Variants in PIRT observed in about 807,000 individuals in gnomAD.
The protein encoded by PIRT is phosphoinositide interacting regulator of transient receptor potential channels.
Under a neutral mutation model 7.9 loss-of-function variants are expected in PIRT, and 6 were observed. The observed-to-expected ratio is 0.76, with a 90% CI of 0.42 to 1.51. The LOEUF (loss-of-function observed/expected upper bound fraction) is 1.51, where lower values mean the gene tolerates loss of function less well. Ranked by LOEUF, PIRT falls within the 40% of genes most tolerant of loss-of-function variation. The pLI, the probability that PIRT is intolerant of heterozygous loss-of-function variation, is 0.01. For synonymous variants in PIRT, 78 were observed against 71.8 expected (o/e 1.09, Z -0.44); for missense variants, 170 against 172.9 (o/e 0.98, Z 0.09).
chr17:10,825,477 C>G lies in PIRT; in HGVS notation c.169G>C (p.Val57Leu). 1 of 1,613,916 alleles carries G rather than the reference C, an allele frequency of 6.2e-7. No homozygotes were observed. Among genetic ancestry groups the G allele is most frequent in the Non-Finnish European group, 8.5e-7 (1 of 1,179,860 alleles). Reference protein sequence around the residue: ...SNWEIYRKPIVIMSVGGAILL... With the variant: ...SNWEIYRKPILIMSVGGAILL... ...ATGGCACCGCCCACTGACATGATAA[C>G]GATGGGCTTGCGGTAGATTTCCCAG... Residue 57 changes from valine to leucine, a missense_variant, in exon 2 of 2, where the codon GTT becomes CTT. Coordinates refer to ENST00000580256, the MANE Select transcript of PIRT (RefSeq NM_001101387.2).
chr17:10,834,456 G>A (rs1905535748), intron 1 of PIRT, among the ~76,000 whole-genome samples: 2 of 152,174 alleles, frequency 1.3e-5, no homozygotes, highest in Non-Finnish European at 2.9e-5. Context: ...TTGTTGTGGG[G>A]CTTGAGGAGG....
intron 1 of PIRT, among the ~76,000 whole-genome samples, chr17:10,826,091 G>T (rs1905307990): frequency 6.6e-6 from 1 of 152,024 alleles, no homozygotes; most frequent in Non-Finnish European, 1.5e-5. Flanking sequence ...AGCCTCCTGA[G>T]TAGCTGTGAT....
intron 1 of PIRT, among the ~76,000 whole-genome samples, chr17:10,829,391 G>A (rs749064264): frequency 3.9e-5 from 6 of 152,156 alleles, no homozygotes; most frequent in Non-Finnish European, 8.8e-5. Context: ...GCCACTGCAG[G>A]GACATTGGAC....
chr17:10,827,099 A>G (rs2088382683), intron 1 of PIRT, among the ~76,000 whole-genome samples: 2 of 152,026 alleles, frequency 1.3e-5, no homozygotes, highest in Admixed American at 1.3e-4. Flanking sequence ...AGCATGAGCC[A>G]CTGTGCCTGG....
At chr17:10,833,385 G>T (rs891388964) in intron 1 of PIRT, among the ~76,000 whole-genome samples, 1 of 152,104 alleles carries the variant, frequency 6.6e-6, no homozygotes, top group Non-Finnish European at 1.5e-5. Context: ...AATTTAAAAT[G>T]CCTGCTCATT....
intron 1 of PIRT, among the ~76,000 whole-genome samples, chr17:10,827,465 C>CT (rs546105685): frequency 0.081 from 4,583 of 56,246 alleles, 636 homozygotes; most frequent in Non-Finnish European, 0.092. Context: ...TTTTTCTTTT[C>CT]TTTTTTTTTT....
At position 10,825,590 on chromosome 17, in the gene PIRT, G is replaced by C. The variant is rs771042762; in HGVS notation, c.56C>G (p.Ala19Gly). The C allele has an allele frequency of 2.6e-6, 4 of 1,563,018 alleles. No individual in the cohort carries two copies. The African/African-American group carries it at 5.4e-5, about 21-fold the overall frequency. Residue 19 changes from alanine to glycine, a missense_variant, in exon 2 of 2, where the codon GCC (alanine) becomes GGC (glycine). By Grantham distance (60) the Ala-to-Gly change is moderately conservative. Coordinates refer to ENST00000580256, the MANE Select transcript of PIRT (RefSeq NM_001101387.2). ...VLEVDEKSPE[A>G]KDLLPSQTAS... ...GGTCTGGCTGGGCAGCAGGTCCTTG[G>C]CTTCTGGAGACTTCTCATCGACCTC...
chr17:10,825,629 A>G lies in PIRT; in HGVS notation c.17T>C (p.Leu6Pro). 1 of 1,492,074 alleles carries G rather than the reference A, an allele frequency of 6.7e-7. No individual in the cohort carries two copies. The highest frequency in any genetic ancestry group is 8.9e-7 in the Non-Finnish European group (1 of 1,118,142). 92.4% of individuals were successfully genotyped at this position (1,492,074 alleles called of 1,614,324 possible). A position where few individuals can be genotyped will look rare whatever the true frequency, so the allele number is the denominator to read the frequency against. MTMET[L>P]PKVLEVDEKS... ...CTCATCGACCTCTAGAACCTTGGGG[A>G]GAGTCTCCATCGTCATGGTTGCTCA... Residue 6 changes from leucine (L) to proline (P), a missense_variant, in exon 2 of 2, where the codon CTC becomes CCC. Leu to Pro is a moderately conservative substitution (Grantham distance 98). Coordinates refer to ENST00000580256, the MANE Select transcript of PIRT (RefSeq NM_001101387.2).
rs201481228 is a variant in PIRT at position 10,829,955 on chromosome 17, A to ATGTC, written c.-138-4176_-138-4173dup. On this transcript the variant is annotated intron_variant, in intron 1 of 1. Coordinates refer to ENST00000580256, the MANE Select transcript of PIRT (RefSeq NM_001101387.2). ...CAGAAAAAAATTGTCCACTATGTAG[A>ATGTC]TGTCTGTCTGTCTATCTATCTATCT... Among the ~76,000 whole-genome samples the ATGTC allele has an allele frequency of 3.0e-3, 441 of 145,240 alleles. 2 individuals carry two copies. The highest frequency in any genetic ancestry group is 1.0e-2 in the African/African-American group (394 of 39,480).
At chr17:10,829,190 G>A (rs976287859) in intron 1 of PIRT, among the ~76,000 whole-genome samples, 33 of 152,230 alleles carry the variant, frequency 2.2e-4, no homozygotes, top group African/African-American at 7.5e-4. Flanking sequence ...TCCCGTTTCC[G>A]TGAAGACATG....
At position 10,822,535 on chromosome 17, in the gene PIRT, C is replaced by T. The variant is rs1373872691; in HGVS notation, c.*2697G>A. The T allele has an allele frequency of 6.6e-6, 1 of 152,162 alleles. No homozygotes were observed. Among genetic ancestry groups the T allele is most frequent in the East Asian group, 1.9e-4 (1 of 5,186 alleles). 9.4% of individuals were successfully genotyped at this position (152,162 alleles called of 1,614,324 possible). On this transcript the variant is annotated 3_prime_UTR_variant, in exon 2 of 2. Coordinates refer to ENST00000580256, the MANE Select transcript of PIRT (RefSeq NM_001101387.2). ...TTTAGGCTTCGGGTTAGATCAAATT[C>T]TCCCAAACAGAATAGCCATGGGGAG...
At chr17:10,828,295 C>T (rs2151534165) in intron 1 of PIRT, among the ~76,000 whole-genome samples, 1 of 152,250 alleles carries the variant, frequency 6.6e-6, no homozygotes, top group East Asian at 1.9e-4. Flanking sequence ...GGATGACTTT[C>T]CTTAAGCAGC....
At position 10,829,965 on chromosome 17, in the gene PIRT, G is replaced by GTCTGTCTA. The variant is rs1195802326; in HGVS notation, c.-138-4183_-138-4182insTAGACAGA. 6.6e-3 allele frequency among the ~76,000 whole-genome samples: 983 copies of GTCTGTCTA among 149,570 alleles called. 11 individuals carry two copies. The highest frequency in any genetic ancestry group is 0.022 in the African/African-American group (911 of 40,528). Reference sequence around the variant, plus strand: ...TTGTCCACTATGTAGATGTCTGTCTGTCTATCTATCTATCTATCTATCTAT... The same window carrying GTCTGTCTA: ...TTGTCCACTATGTAGATGTCTGTCTGTCTGTCTATCTATCTATCTATCTATCTATCTAT... On this transcript the variant is annotated intron_variant, in intron 1 of 1. Coordinates refer to ENST00000580256, the MANE Select transcript of PIRT (RefSeq NM_001101387.2).
At position 10,837,198 on chromosome 17, in the gene PIRT, G is replaced by A. The variant is rs973628310; in HGVS notation, c.-139+747C>T. Among the ~76,000 whole-genome samples, 7 of 152,218 alleles carry A rather than the reference G, an allele frequency of 4.6e-5. No individual in the cohort carries two copies. In the South Asian group the frequency reaches 8.3e-4, roughly 18 times the overall value. ...ACCCACCTCCCTTGTTGGGCCACCC[G>A]GCTGGTGCCCAGACCCTGGCCAGTG... On this transcript the variant is annotated intron_variant, in intron 1 of 1. Coordinates refer to ENST00000580256, the MANE Select transcript of PIRT (RefSeq NM_001101387.2).
At chr17:10,827,465 CTTTTT>C (rs546105685) in intron 1 of PIRT, among the ~76,000 whole-genome samples, 198 of 56,296 alleles carry the variant, frequency 3.5e-3, no homozygotes, top group Middle Eastern at 0.031. Context: ...TTTTTCTTTT[CTTTTT>C]TTTTTTTTTT....
Position 10,825,284 on chromosome 17 carries a change from CTG to C in PIRT, c.360_361del (p.His120GlnfsTer34). Reference sequence around the variant, plus strand: ...GCTGCGTAAGAAATTCGACTTCTGTCTGTGCTTCTGTTTCTTTTTGATGATGG... The same window carrying C: ...GCTGCGTAAGAAATTCGACTTCTGTCTGCTTCTGTTTCTTTTTGATGATGG... On this transcript the variant is annotated frameshift_variant, in exon 2 of 2. Coordinates refer to ENST00000580256, the MANE Select transcript of PIRT (RefSeq NM_001101387.2). LOFTEE classifies it high-confidence loss of function. The C allele has an allele frequency of 1.9e-6, 3 of 1,613,980 alleles. No homozygotes were observed. The highest frequency in any genetic ancestry group is 2.5e-6 in the Non-Finnish European group (3 of 1,179,898).
intron 1 of PIRT, among the ~76,000 whole-genome samples, chr17:10,833,821 A>T (rs1905520154): frequency 6.6e-6 from 1 of 152,252 alleles, no homozygotes; most frequent in Non-Finnish European, 1.5e-5. Flanking sequence ...AAAATGGGCC[A>T]AATGTTTAAA....
At chr17:10,834,739 C>T (rs1217072407) in intron 1 of PIRT, among the ~76,000 whole-genome samples, 1 of 151,914 alleles carries the variant, frequency 6.6e-6, no homozygotes, top group East Asian at 1.9e-4. Context: ...CTACAGGCAC[C>T]GCCACCATGC....
chr17:10,832,181 C>T (rs1406752268), intron 1 of PIRT, among the ~76,000 whole-genome samples: 3 of 151,660 alleles, frequency 2.0e-5, no homozygotes, highest in Admixed American at 1.3e-4. Context: ...TTTTGAGGTG[C>T]TGGCAACGTT....
Sources: allele counts gnomAD v4.1 joint callset (sites outside exome capture counted in the v4.1 genomes callset), GRCh38; gene constraint gnomAD v4.1.1; transcripts MANE v1.5; gene names NCBI Gene and HGNC (gene_info 2026-07-23, HGNC 2026-07-21).